The following RBM19 variants were observed in gnomAD, a reference collection of about 807,000 sequenced individuals.
RBM19 encodes probable RNA-binding protein 19.
RBM19 carries 94 observed loss-of-function variants against 116.8 expected under a neutral mutation model. That is an observed-to-expected ratio of 0.80 (90% CI 0.68 to 0.95). RBM19 has a LOEUF of 0.95. RBM19 is among the 40% of genes least tolerant of loss of function. The probability of loss-of-function intolerance (pLI) is 0.00; values close to 1 mark genes in which losing one functional copy is unlikely to be tolerated. For synonymous variants in RBM19, 475 were observed against 494.1 expected (o/e 0.96, Z 0.51); for missense variants, 1,161 against 1,220.7 (o/e 0.95, Z 0.73).
chr12:113,946,066 C>T (rs756917767), intron 12 of RBM19, 142 bp from the exon 13 acceptor site: 1 of 830,512 alleles, frequency 1.2e-6, no homozygotes. Flanking sequence ...GCTACGTATA[C>T]AGGGCCTGAA....
At chr12:113,880,813 G>A (rs3782451) in intron 21 of RBM19, among the ~76,000 whole-genome samples, 10,065 of 152,094 alleles carry the variant, frequency 0.066, 648 homozygotes, top group East Asian at 0.34. Flanking sequence ...GTGACTGCAG[G>A]GGCCTTACTG....
chr12:113,839,909 C>T (rs1249296936), intron 23 of RBM19, among the ~76,000 whole-genome samples: 1 of 152,134 alleles, frequency 6.6e-6, no homozygotes, highest in Admixed American at 6.5e-5. Flanking sequence ...GCTCTTTTTC[C>T]TAAGCTGGTG....
At chr12:113,947,113 G>A (rs528962877) in intron 11 of RBM19, among the ~76,000 whole-genome samples, 1 of 152,354 alleles carries the variant, frequency 6.6e-6, no homozygotes, top group African/African-American at 2.4e-5. Flanking sequence ...CAGAGGTGTA[G>A]GTGCCACAGA....
At chr12:113,931,516 G>GT (rs1217621824) in intron 16 of RBM19, among the ~76,000 whole-genome samples, 2 of 152,128 alleles carry the variant, frequency 1.3e-5, no homozygotes, top group Non-Finnish European at 2.9e-5. Flanking sequence ...CCATGGCTCT[G>GT]TTACCCCTCA....
intron 21 of RBM19, among the ~76,000 whole-genome samples, chr12:113,863,557 G>C (rs1306636590): frequency 6.6e-6 from 1 of 152,116 alleles, no homozygotes; most frequent in Non-Finnish European, 1.5e-5. Flanking sequence ...GTCAAACCTA[G>C]GGCCTTCTGC....
rs55868508 is a variant in RBM19, at chr12:113,878,632, G to GACACACAC, written c.2559-19744_2559-19737dup. Among the ~76,000 whole-genome samples, 759 of 137,876 alleles carry GACACACAC rather than the reference G, an allele frequency of 5.5e-3. 7 individuals carry two copies. Among genetic ancestry groups the GACACACAC allele is most frequent in the East Asian group, 0.011 (50 of 4,472 alleles). The allele number at this position is 137,876 out of a possible 152,430, so 90.5% of individuals were successfully genotyped here. A position where few individuals can be genotyped will look rare whatever the true frequency, so the allele number is the denominator to read the frequency against. ...AGAAAGAGGTACATCCATTCTCCCT[G>GACACACAC]ACACACACACACACACACACACACA... On this transcript the variant is annotated intron_variant, in intron 21 of 23. Transcript: ENST00000261741.
At chr12:113,846,003 G>C (rs1185063199) in intron 22 of RBM19, among the ~76,000 whole-genome samples, 3 of 152,242 alleles carry the variant, frequency 2.0e-5, no homozygotes, top group Admixed American at 1.3e-4. Context: ...ACAGCGTCTA[G>C]AACAGTATGG....
chr12:113,828,907 G>A (rs112129229), intron 23 of RBM19, among the ~76,000 whole-genome samples: 1 of 152,152 alleles, frequency 6.6e-6, no homozygotes, highest in Admixed American at 6.5e-5. Context: ...CATCAGGTAC[G>A]CACAGAATAA....
chr12:113,837,107 A>ATACATACC (rs1876017499), intron 23 of RBM19, among the ~76,000 whole-genome samples: 1 of 149,660 alleles, frequency 6.7e-6, no homozygotes, highest in South Asian at 2.1e-4. Context: ...ACATACATAC[A>ATACATACC]TACACACACA....
At chr12:113,818,402 G>C (rs1565953322), downstream of RBM19, among the ~76,000 whole-genome samples, 1 of 152,096 alleles carries the variant, frequency 6.6e-6, no homozygotes, top group Non-Finnish European at 1.5e-5. Flanking sequence ...GTGGGCAGGG[G>C]GGCACCTCCT....
At chr12:113,915,992 C>A (rs1882745044) in intron 20 of RBM19, among the ~76,000 whole-genome samples, 1 of 152,200 alleles carries the variant, frequency 6.6e-6, no homozygotes, top group South Asian at 2.1e-4. Flanking sequence ...GGCACTGATC[C>A]CTGTGCTAGT....
At position 113,959,408 on chromosome 12, in the gene RBM19, G is replaced by A; in HGVS notation, c.379-4C>T. On this transcript the variant is annotated splice_polypyrimidine_tract_variant and splice_region_variant and intron_variant, in intron 4 of 23. Transcript: ENST00000261741. ...GGAACTCTGTATCCTCCTTCAGCTG[G>A]TGGCACCAGAACCCGGGCGGCAGGG... is the stretch of plus-strand genomic sequence containing the variant. The A allele has an allele frequency of 6.3e-7, 1 of 1,597,268 alleles. No individual in the cohort carries two copies. The highest frequency in any genetic ancestry group is 8.6e-7 in the Non-Finnish European group (1 of 1,166,012).
intron 21 of RBM19, among the ~76,000 whole-genome samples, chr12:113,873,919 C>T (rs185390654): frequency 1.8e-4 from 27 of 152,260 alleles, no homozygotes; most frequent in Admixed American, 1.7e-3. Context: ...GGGCCAAGAG[C>T]CAGATATCTC....
chr12:113,953,401 T>C (rs1871637550), intron 7 of RBM19, among the ~76,000 whole-genome samples: 2 of 152,128 alleles, frequency 1.3e-5, no homozygotes, highest in South Asian at 4.1e-4. Flanking sequence ...GGCAGGAGAA[T>C]CACTTGAACC....
intron 23 of RBM19, among the ~76,000 whole-genome samples, chr12:113,830,188 G>C (rs1159078880): frequency 3.3e-5 from 5 of 152,090 alleles, no homozygotes; most frequent in African/African-American, 1.2e-4. Flanking sequence ...GTCTCAACAG[G>C]AAAAGCATGA....
intron 22 of RBM19, among the ~76,000 whole-genome samples, chr12:113,850,269 C>T (rs537447573): frequency 2.6e-4 from 40 of 152,268 alleles, no homozygotes; most frequent in African/African-American, 9.1e-4. Flanking sequence ...TGGGGTGTCT[C>T]GCATGCCTTG....
chr12:113,933,601 G>C (rs1343489813), intron 16 of RBM19, among the ~76,000 whole-genome samples: 1 of 152,202 alleles, frequency 6.6e-6, no homozygotes, highest in African/African-American at 2.4e-5. Flanking sequence ...GCCCCTCTGG[G>C]AGGTAGGGGC....
At position 113,947,328 on chromosome 12, in the gene RBM19, C is replaced by T. The variant is rs1032273753; in HGVS notation, c.1407+6G>A. ...GCCTCCTGGCCAGCCCAGGACGGGG[C>T]CTCACCTGGAATACCTGCCCGTCCA... On this transcript the variant is annotated splice_donor_region_variant and intron_variant, in intron 11 of 23. Coordinates refer to ENST00000261741, the MANE Select transcript of RBM19 (RefSeq NM_016196.4). 13 of 1,589,098 alleles carry T rather than the reference C, an allele frequency of 8.2e-6. No individual in the cohort carries two copies. The highest frequency in any genetic ancestry group is 8.6e-6 in the Non-Finnish European group (10 of 1,160,756).
intron 21 of RBM19, among the ~76,000 whole-genome samples, chr12:113,907,155 G>A (rs918078997): frequency 6.6e-6 from 1 of 152,166 alleles, no homozygotes; most frequent in Non-Finnish European, 1.5e-5. Flanking sequence ...GTGGCATGTT[G>A]TCATGGCAGC....
Sources: gnomAD v4.1 joint callset for allele counts (sites outside exome capture counted in the v4.1 genomes callset) on GRCh38, gnomAD v4.1.1 for gene constraint, MANE v1.5 for transcripts, NCBI Gene and HGNC (gene_info 2026-07-23, HGNC 2026-07-21) for gene names.